USP12: variants seen among roughly 807,000 people sequenced by gnomAD.
The protein encoded by USP12 is ubiquitin specific peptidase 12, also known as ubiquitin carboxyl-terminal hydrolase 12.
A neutral mutation model predicts 45.5 loss-of-function variants in USP12; 19 were observed. The observed-to-expected ratio is 0.42, with a 90% CI of 0.29 to 0.61. The LOEUF (loss-of-function observed/expected upper bound fraction) is 0.61, where lower values mean the gene tolerates loss of function less well. USP12 is among the 20% of genes least tolerant of loss of function. The probability of loss-of-function intolerance (pLI) is 0.22; values close to 1 mark genes in which losing one functional copy is unlikely to be tolerated. For synonymous variants in USP12, 149 were observed against 148.8 expected, an observed-to-expected ratio of 1.00 and a Z score of -0.01; for missense variants, 242 against 447.7, an observed-to-expected ratio of 0.54 and a Z score of 4.15.
intron 1 of USP12, among the ~76,000 whole-genome samples, chr13:27,134,030 G>A (rs1251442177): frequency 1.3e-5 from 2 of 152,176 alleles, no homozygotes; most frequent in African/African-American, 4.8e-5. Flanking sequence ...TGTAGTCCTA[G>A]CTACTTGAGA....
chr13:27,068,022 G>A lies in USP12; in HGVS notation c.*1261C>T, dbSNP rs557100445. On this transcript the variant is annotated 3_prime_UTR_variant, in exon 9 of 9. Transcript: ENST00000282344. ...TAAGATTTGTAAAGGTGGGGGGAAG[G>A]GAAGGAAGGACTTGTCTTTTGTATT... 6.6e-5 allele frequency: 10 copies of A among 152,244 alleles called. No individual in the cohort carries two copies. The South Asian group carries it at 1.7e-3, about 25-fold the overall frequency. The allele number at this position is 152,244 out of a possible 1,614,324, so 9.4% of individuals were successfully genotyped here.
intron 2 of USP12, among the ~76,000 whole-genome samples, chr13:27,110,700 C>T (rs1875397454): frequency 6.6e-6 from 1 of 152,032 alleles, no homozygotes; most frequent in Admixed American, 6.5e-5. Context: ...TGAACCCTAC[C>T]CAGGGGTTAA....
chr13:27,166,700 C>T (rs1045327323), intron 1 of USP12, among the ~76,000 whole-genome samples: 2 of 152,096 alleles, frequency 1.3e-5, no homozygotes, highest in South Asian at 2.1e-4. Flanking sequence ...AGTTTTCAAG[C>T]ATATTAAAAA....
chr13:27,124,980 C>G lies in USP12; in HGVS notation c.49-8384G>C, dbSNP rs560715785. ...CCTTGGGTTATGTGAAATTCAGTATCTGACTACCTGTGTTCTCTCTAGCCC... is the reference window on the plus strand; with the variant it reads ...CCTTGGGTTATGTGAAATTCAGTATGTGACTACCTGTGTTCTCTCTAGCCC... On this transcript the variant is annotated intron_variant, in intron 1 of 8. Transcript: ENST00000282344. Among the ~76,000 whole-genome samples, 7 of 152,308 alleles carry G rather than the reference C, an allele frequency of 4.6e-5. No individual in the cohort carries two copies. The South Asian group carries it at 8.3e-4, about 18-fold the overall frequency.
At chr13:27,092,731 T>C (rs917950942) in intron 4 of USP12, among the ~76,000 whole-genome samples, 1 of 152,128 alleles carries the variant, frequency 6.6e-6, no homozygotes. Flanking sequence ...AAAAGGATCA[T>C]AGACTTAAAT....
In USP12 at chr13:27,134,403, C is replaced by T. The variant is rs148410282; in HGVS notation, c.49-17807G>A. Among the ~76,000 whole-genome samples the T allele has an allele frequency of 3.7e-3, 562 of 152,122 alleles. 1 individual carries two copies. The highest frequency in any genetic ancestry group is 0.013 in the African/African-American group (538 of 41,486). ...AGAAAAAAAGAGGAGAATAAGTCAG[C>T]AACTGAGAGGGTGGAAAAATAAAAT... On this transcript the variant is annotated intron_variant, in intron 1 of 8. Coordinates refer to ENST00000282344, the MANE Select transcript of USP12 (RefSeq NM_182488.4).
At chr13:27,144,661 C>G in intron 1 of USP12, among the ~76,000 whole-genome samples, 1 of 151,092 alleles carries the variant, frequency 6.6e-6, no homozygotes, top group Non-Finnish European at 1.5e-5. Flanking sequence ...CAATCAAAAG[C>G]ATAAACCTAG....
intron 1 of USP12, among the ~76,000 whole-genome samples, chr13:27,148,857 C>G: frequency 7.0e-6 from 1 of 143,642 alleles, no homozygotes; most frequent in Non-Finnish European, 1.5e-5. Context: ...ATGATAAAAA[C>G]ATAGAAAAGA....
At chr13:27,086,083 T>A (rs1246988034) in intron 6 of USP12, among the ~76,000 whole-genome samples, 1 of 149,738 alleles carries the variant, frequency 6.7e-6, no homozygotes, top group Admixed American at 6.7e-5. Context: ...GGTAGGAGGA[T>A]CATTTAAGCC....
chr13:27,080,130 C>T (rs1873682316), intron 6 of USP12, among the ~76,000 whole-genome samples: 3 of 152,144 alleles, frequency 2.0e-5, no homozygotes, highest in Admixed American at 2.0e-4. Context: ...TGATGGACAT[C>T]TGGAGATCCA....
chr13:27,137,258 A>T (rs953499404), intron 1 of USP12, among the ~76,000 whole-genome samples: 5 of 152,196 alleles, frequency 3.3e-5, no homozygotes, highest in Admixed American at 3.3e-4. Context: ...AGGTGTCATT[A>T]AAGAAGAACC....
At chr13:27,139,235 T>G (rs1346175756) in intron 1 of USP12, among the ~76,000 whole-genome samples, 1 of 152,220 alleles carries the variant, frequency 6.6e-6, no homozygotes. Flanking sequence ...AGTAATTAAT[T>G]TCTATAATGC....
At chr13:27,111,781 T>A (rs1206490008) in intron 2 of USP12, among the ~76,000 whole-genome samples, 5 of 152,224 alleles carry the variant, frequency 3.3e-5, no homozygotes, top group Non-Finnish European at 7.4e-5. Flanking sequence ...ATTATTTTCA[T>A]GAAAAATTAT....
chr13:27,122,687 A>G (rs1876050910), intron 1 of USP12, among the ~76,000 whole-genome samples: 1 of 151,848 alleles, frequency 6.6e-6, no homozygotes, highest in South Asian at 2.1e-4. Context: ...ATTTAAGTAA[A>G]AAAATTTTAA....
chr13:27,120,612 A>C (rs2137800971), intron 1 of USP12, among the ~76,000 whole-genome samples: 1 of 86,676 alleles, frequency 1.2e-5, no homozygotes, highest in East Asian at 3.5e-4. Context: ...ACAAGAGCAA[A>C]ACTCCATCTA....
intron 3 of USP12, among the ~76,000 whole-genome samples, chr13:27,098,302 G>A (rs1040314915): frequency 3.3e-5 from 5 of 151,142 alleles, no homozygotes; most frequent in African/African-American, 1.2e-4. Context: ...GACAAGTGAC[G>A]AACAAGGATA....
chr13:27,156,219 G>GA (rs56139734), intron 1 of USP12, among the ~76,000 whole-genome samples: 14 of 141,916 alleles, frequency 9.9e-5, no homozygotes, highest in African/African-American at 2.8e-4. Context: ...CTCCTGCAAG[G>GA]AAAAAAAAAA....
At chr13:27,099,224 T>A (rs997759784) in intron 3 of USP12, among the ~76,000 whole-genome samples, 3 of 152,232 alleles carry the variant, frequency 2.0e-5, no homozygotes, top group Non-Finnish European at 2.9e-5. Flanking sequence ...GGGAAACTTC[T>A]AGGTTTGTTT....
chr13:27,133,586 G>A (rs11840072), intron 1 of USP12, among the ~76,000 whole-genome samples: 3,730 of 145,700 alleles, frequency 0.026, 175 homozygotes, highest in African/African-American at 0.09. Context: ...CCAATATCGC[G>A]CCACTGCGCT....
Sources: gnomAD v4.1 joint callset for allele counts (sites outside exome capture counted in the v4.1 genomes callset) on GRCh38, gnomAD v4.1.1 for gene constraint, MANE v1.5 for transcripts, NCBI Gene and HGNC (gene_info 2026-07-23, HGNC 2026-07-21) for gene names.